Variants in TP53BP1 observed in about 807,000 individuals in gnomAD.
The protein encoded by TP53BP1 is tumor protein p53 binding protein 1, also known as TP53-binding protein 1.
A neutral mutation model predicts 200.8 loss-of-function variants in TP53BP1; 61 were observed. That is an observed-to-expected ratio of 0.30 (90% confidence interval 0.25 to 0.38). TP53BP1 has a LOEUF of 0.38. TP53BP1 is among the 10% of genes least tolerant of loss of function. TP53BP1 has a pLI of 1.00. For missense variants in TP53BP1, 2,144 were observed against 2,371.9 expected, an observed-to-expected ratio of 0.90 and a Z score of 2.00; for synonymous variants, 822 against 844.3, an observed-to-expected ratio of 0.97 and a Z score of 0.46.
At chr15:43,464,381 G>T (rs2046514089) in intron 11 of TP53BP1, among the ~76,000 whole-genome samples, 1 of 152,174 alleles carries the variant, frequency 6.6e-6, no homozygotes, top group Non-Finnish European at 1.5e-5. Context: ...AAAAACCCAA[G>T]AGTAGAAATT....
intron 4 of TP53BP1, among the ~76,000 whole-genome samples, chr15:43,486,550 G>A (rs1026345438): frequency 2.0e-5 from 3 of 152,164 alleles, no homozygotes; most frequent in African/African-American, 7.2e-5. Flanking sequence ...CAGTTAAAGA[G>A]AGTTGCCTTT....
intron 11 of TP53BP1, among the ~76,000 whole-genome samples, chr15:43,464,221 C>T (rs977194422): frequency 2.3e-4 from 35 of 152,208 alleles, no homozygotes; most frequent in African/African-American, 7.9e-4. Context: ...GAGATCAAAA[C>T]AAACAAAACT....
At chr15:43,443,726 G>A (rs75476278) in intron 14 of TP53BP1, among the ~76,000 whole-genome samples, 2 of 151,838 alleles carry the variant, frequency 1.3e-5, no homozygotes, top group African/African-American at 4.8e-5. Context: ...AAACAAAAAG[G>A]ACATTTTCAA....
chr15:43,455,284 T>C lies in TP53BP1; in HGVS notation c.2716+608A>G, dbSNP rs536389433. Among the ~76,000 whole-genome samples the C allele has an allele frequency of 5.3e-5, 8 of 152,062 alleles. No individual in the cohort carries two copies. In the South Asian group the frequency reaches 1.2e-3, roughly 24 times the overall value. On this transcript the variant is annotated intron_variant, in intron 12 of 27. Transcript: ENST00000382044. ...ACTTCAAGGCAACTGTCAAAATCTATACACAGAGAGCAAGGATACAATCTA... is the reference window on the plus strand; with the variant it reads ...ACTTCAAGGCAACTGTCAAAATCTACACACAGAGAGCAAGGATACAATCTA...
intron 1 of TP53BP1, among the ~76,000 whole-genome samples, chr15:43,507,907 G>A (rs1236697578): frequency 6.6e-6 from 1 of 151,798 alleles, no homozygotes; most frequent in Non-Finnish European, 1.5e-5. Flanking sequence ...TAAAGATGGG[G>A]TTCCATTATG....
At chr15:43,498,197 TATC>T (rs1450648455) in intron 1 of TP53BP1, among the ~76,000 whole-genome samples, 1 of 152,216 alleles carries the variant, frequency 6.6e-6, no homozygotes, top group Admixed American at 6.5e-5. Context: ...TCAAAATAAA[TATC>T]ATTAATGCTA....
At chr15:43,470,740 TG>T (rs764054933) in intron 10 of TP53BP1, among the ~76,000 whole-genome samples, 10 of 152,202 alleles carry the variant, frequency 6.6e-5, no homozygotes, top group Non-Finnish European at 1.2e-4. Flanking sequence ...GGAACTTGCT[TG>T]GAGTCAGCCC....
At chr15:43,504,352 T>C (rs1012476440) in intron 1 of TP53BP1, among the ~76,000 whole-genome samples, 7 of 152,202 alleles carry the variant, frequency 4.6e-5, no homozygotes, top group African/African-American at 1.7e-4. Flanking sequence ...CCAGGCATTG[T>C]GCTAAGCATA....
chr15:43,499,805 T>C (rs957986777), intron 1 of TP53BP1, among the ~76,000 whole-genome samples: 1 of 152,194 alleles, frequency 6.6e-6, no homozygotes, highest in Non-Finnish European at 1.5e-5. Flanking sequence ...ATGGTGGTGG[T>C]GGAGAGAGAG....
intron 17 of TP53BP1, 91 bp downstream of exon 17, chr15:43,432,103 G>A: frequency 6.6e-7 from 1 of 1,505,110 alleles, no homozygotes; most frequent in Non-Finnish European, 8.9e-7. Flanking sequence ...GTCAAGAATT[G>A]TCATTAGGCA....
At position 43,415,897 on chromosome 15, in the gene TP53BP1, A is replaced by G. The variant is rs1595525634; in HGVS notation, c.4874-88T>C. ...AAACTGGGCAGACCCTGATTCAGAC[A>G]CCACAGTGTTCCTTCCCCCACTTCC... On this transcript the variant is annotated intron_variant, in intron 22 of 27. Transcript: ENST00000382044. The G allele has an allele frequency of 3.6e-6, 4 of 1,099,312 alleles. No homozygotes were observed. In the East Asian group the frequency reaches 9.4e-5, roughly 26 times the overall value. The allele number at this position is 1,099,312 out of a possible 1,614,324, so 68.1% of individuals were successfully genotyped here. A position where few individuals can be genotyped will look rare whatever the true frequency, so the allele number is the denominator to read the frequency against.
rs202008450 is a variant in TP53BP1, at chr15:43,500,398, AT to A, written c.-8-7931del. On this transcript the variant is annotated intron_variant, in intron 1 of 27. Transcript: ENST00000263801. ...AAATGCTCAATCTTCTTTTGTTGAAATTTTTTTTTTTCAAACAAATGCTCAA... is the reference window on the plus strand; with the variant it reads ...AAATGCTCAATCTTCTTTTGTTGAAATTTTTTTTTTCAAACAAATGCTCAA... 5.5e-3 allele frequency among the ~76,000 whole-genome samples: 821 copies of A among 149,944 alleles called. 4 individuals carry two copies. Among genetic ancestry groups the A allele is most frequent in the East Asian group, 7.4e-3 (38 of 5,166 alleles).
At chr15:43,439,431 G>A (rs1380100207) in intron 15 of TP53BP1, among the ~76,000 whole-genome samples, 1 of 152,152 alleles carries the variant, frequency 6.6e-6, no homozygotes, top group Non-Finnish European at 1.5e-5. Context: ...AGCACCCTGT[G>A]GGGTTGAGGC....
intron 16 of TP53BP1, among the ~76,000 whole-genome samples, chr15:43,434,846 T>A (rs566105909): frequency 1.8e-4 from 28 of 152,250 alleles, no homozygotes; most frequent in Non-Finnish European, 8.8e-5. Flanking sequence ...GAATTGAATT[T>A]TACTTCTACA....
rs2044758480 is a variant in TP53BP1 at position 43,403,769 on chromosome 15, T to C, written c.*3614A>G. 1 of 1,613,812 alleles carries C rather than the reference T, an allele frequency of 6.2e-7. No individual in the cohort carries two copies. The highest frequency in any genetic ancestry group is 1.3e-5 in the African/African-American group (1 of 74,904). ...AGAACCTAGGCCCACTGGATGAGCG[T>C]GGAGCCGCCCAGCTGAGCATTCTCG... On this transcript the variant is annotated 3_prime_UTR_variant, in exon 28 of 28. Coordinates refer to ENST00000382044, the MANE Select transcript of TP53BP1 (RefSeq NM_001141980.3).
At chr15:43,431,998 A>G (rs2045681588) in intron 17 of TP53BP1, among the ~76,000 whole-genome samples, 196 bp downstream of exon 17, 1 of 152,188 alleles carries the variant, frequency 6.6e-6, no homozygotes, top group South Asian at 2.1e-4. Flanking sequence ...TCCCTAAAAG[A>G]CTATCTAATG....
chr15:43,418,784 G>A (rs1178071874), intron 21 of TP53BP1, among the ~76,000 whole-genome samples: 1 of 152,190 alleles, frequency 6.6e-6, no homozygotes, highest in Non-Finnish European at 1.5e-5. Flanking sequence ...AGTGGTAGAT[G>A]TGCAGTCATA....
intron 4 of TP53BP1, among the ~76,000 whole-genome samples, chr15:43,487,330 GA>G (rs34088694): frequency 0.54 from 82,398 of 151,834 alleles, 27,130 homozygotes; most frequent in Non-Finnish European, 0.71. Context: ...CAGTAAGGAT[GA>G]AAAAAAATTA....
intron 11 of TP53BP1, among the ~76,000 whole-genome samples, chr15:43,466,752 G>A (rs902840896): frequency 3.3e-5 from 5 of 152,160 alleles, no homozygotes; most frequent in Admixed American, 1.3e-4. Flanking sequence ...AGCTACTCAG[G>A]AGGCCGAGGT....
Sources: gnomAD v4.1 joint callset for allele counts (sites outside exome capture counted in the v4.1 genomes callset) on GRCh38, gnomAD v4.1.1 for gene constraint, MANE v1.5 for transcripts, NCBI Gene and HGNC (gene_info 2026-07-23, HGNC 2026-07-21) for gene names.